Variants in BTD observed in about 807,000 individuals in gnomAD.
BTD encodes the protein biotinidase.
In BTD, 13 loss-of-function variants were observed where a neutral mutation model predicts 17.7. That is an observed-to-expected ratio of 0.74 (90% CI 0.48 to 1.17). The LOEUF (loss-of-function observed/expected upper bound fraction) is 1.17. Ranked by LOEUF, BTD falls within the 50% of genes most tolerant of loss-of-function variation. BTD has a pLI of 0.00. For missense variants in BTD, 674 were observed against 650.4 expected (o/e 1.04, Z -0.39); for synonymous variants, 240 against 245.2 (o/e 0.98, Z 0.20).
chr3:15,703,799 C>T (rs1325471093), intron 3 of BTD, among the ~76,000 whole-genome samples: 1 of 152,058 alleles, frequency 6.6e-6, no homozygotes, highest in Non-Finnish European at 1.5e-5. Flanking sequence ...TTATGAAGTG[C>T]GGGCTAGAGA....
intron 1 of BTD, among the ~76,000 whole-genome samples, chr3:15,604,162 G>A (rs1010561413): frequency 3.3e-5 from 5 of 152,268 alleles, no homozygotes; most frequent in Non-Finnish European, 4.4e-5. Flanking sequence ...CCTAGCAGAG[G>A]TTCTCTATGA....
chr3:15,697,665 G>A (rs749650679), intron 3 of BTD, among the ~76,000 whole-genome samples: 15 of 152,122 alleles, frequency 9.9e-5, no homozygotes, highest in Non-Finnish European at 1.9e-4. Flanking sequence ...GTATTTTATT[G>A]AGGATTTTCG....
exon 4 of BTD, chr3:15,711,166 G>T: frequency 6.8e-7 from 1 of 1,473,042 alleles, no homozygotes; most frequent in Non-Finnish European, 9.4e-7. Flanking sequence ...AACCTGCCAT[G>T]ACCAGCTATC....
chr3:15,669,422 T>A (rs953748751), intron 3 of BTD: 1 of 152,124 alleles, frequency 6.6e-6, no homozygotes, highest in African/African-American at 2.4e-5. Context: ...AGGAAATTCT[T>A]TACATTTTCA....
downstream of BTD, among the ~76,000 whole-genome samples, chr3:15,716,301 C>A (rs1162022729): frequency 8.1e-6 from 1 of 124,020 alleles, no homozygotes; most frequent in African/African-American, 3.1e-5. Context: ...TTTTTTTTTT[C>A]CCTTAAAGAG....
chr3:15,636,143 C>A (rs952328301), intron 2 of BTD, among the ~76,000 whole-genome samples: 4 of 152,090 alleles, frequency 2.6e-5, no homozygotes, highest in Admixed American at 2.6e-4. Context: ...TTAAGGCTCC[C>A]CAGTGCAGTC....
In BTD at chr3:15,651,788, G is replaced by T. The variant is rs111259509; in HGVS notation, c.*6300G>T. 4.8e-3 allele frequency among the ~76,000 whole-genome samples: 730 copies of T among 152,290 alleles called. 3 individuals are homozygous for T. The highest frequency in any genetic ancestry group is 6.3e-3 in the Non-Finnish European group (428 of 68,020). ...TGCAGGGAAGATAAATGCAGCCCTG[G>T]CATGGTTCTTCCAGAACATTCTGCA... On this transcript the variant is annotated 3_prime_UTR_variant, in exon 4 of 4. Coordinates refer to ENST00000643237, the MANE Select transcript of BTD (RefSeq NM_001370658.1).
chr3:15,627,176 C>T (rs1307363100), intron 1 of BTD, among the ~76,000 whole-genome samples: 2 of 152,158 alleles, frequency 1.3e-5, no homozygotes, highest in Admixed American at 1.3e-4. Context: ...GCCGGCTCAC[C>T]GTGCTTCCCA....
downstream of BTD, among the ~76,000 whole-genome samples, chr3:15,656,356 C>T (rs1050337307): frequency 6.6e-6 from 1 of 152,182 alleles, no homozygotes; most frequent in Non-Finnish European, 1.5e-5. Flanking sequence ...CTGTACCTCA[C>T]GTCCCCTTCC....
intron 3 of BTD, among the ~76,000 whole-genome samples, chr3:15,666,943 C>A (rs1013094111): frequency 1.3e-5 from 2 of 152,206 alleles, no homozygotes; most frequent in African/African-American, 4.8e-5. Context: ...CTCAATTACA[C>A]TTTTATTACT....
At chr3:15,643,960 CATTTATTTAATTT>C (rs1559598547) in intron 3 of BTD, among the ~76,000 whole-genome samples, 1 of 129,972 alleles carries the variant, frequency 7.7e-6, no homozygotes, top group African/African-American at 2.7e-5. Flanking sequence ...TTTAAAAACT[CATTTATTTAATTT>C]ATTTATTTAT....
At chr3:15,720,118 C>G (rs2073541471) in intron 4 of BTD, among the ~76,000 whole-genome samples, 1 of 152,126 alleles carries the variant, frequency 6.6e-6, no homozygotes, top group African/African-American at 2.4e-5. Flanking sequence ...CCTACCCTGG[C>G]CTCCCAAAGT....
At chr3:15,614,149 G>A (rs973233067) in intron 1 of BTD, among the ~76,000 whole-genome samples, 5 of 140,316 alleles carry the variant, frequency 3.6e-5, no homozygotes, top group African/African-American at 1.4e-4. Flanking sequence ...TTTAAGTCAA[G>A]GTCTTGCTCT....
rs2065711161 is a variant in BTD, at chr3:15,647,115, G to C, written c.*1627G>C. On this transcript the variant is annotated 3_prime_UTR_variant, in exon 4 of 4. Transcript: ENST00000643237. ...CTTGGAATTCCTGAGCAAGCCTTGG[G>C]TTCCCCACGCCCTAGGAAGTCCCTC... 6.6e-6 allele frequency: 1 copy of C among 152,260 alleles called. No individual in the cohort carries two copies. Among genetic ancestry groups the C allele is most frequent in the Admixed American group, 6.5e-5 (1 of 15,278 alleles). 9.4% of individuals were successfully genotyped at this position (152,260 alleles called of 1,614,324 possible). A position where few individuals can be genotyped will look rare whatever the true frequency, so the allele number is the denominator to read the frequency against.
rs1245541086 is a variant in BTD at position 15,601,864 on chromosome 3, A to G, written c.-47A>G. On this transcript the variant is annotated 5_prime_UTR_variant, in exon 1 of 4. Transcript: ENST00000643237. The stretch of plus-strand genomic sequence containing the variant: ...TGTAAAGGGAGAATGGCGCATGCGC[A>G]TATTCAGGGCGGAAGGCGCGCTAAG... The G allele has an allele frequency of 1.2e-6, 2 of 1,614,042 alleles. No homozygotes were observed. The highest frequency in any genetic ancestry group is 1.1e-5 in the South Asian group (1 of 91,084).
chr3:15,706,157 TG>T (rs2071353091), intron 3 of BTD, among the ~76,000 whole-genome samples: 1 of 152,130 alleles, frequency 6.6e-6, no homozygotes, highest in Admixed American at 6.5e-5. Flanking sequence ...TTGGCACATA[TG>T]TATACATGTG....
chr3:15,700,002 T>C (rs1304919462), intron 3 of BTD, among the ~76,000 whole-genome samples: 1 of 152,172 alleles, frequency 6.6e-6, no homozygotes, highest in African/African-American at 2.4e-5. Context: ...CCATCAATGA[T>C]AGACTGGATT....
At chr3:15,711,100 T>G (rs1214987873) in exon 4 of BTD, 15 of 934,608 alleles carry the variant, frequency 1.6e-5, no homozygotes, top group Non-Finnish European at 2.4e-5. Flanking sequence ...AACTCCTGTT[T>G]TGTTTTCTAT....
chr3:15,686,163 G>A, intron 3 of BTD: 1 of 1,599,364 alleles, frequency 6.3e-7, no homozygotes, highest in Non-Finnish European at 8.5e-7. Flanking sequence ...ACTTAAGACT[G>A]TACTCTGGTT....
Sources: gnomAD v4.1 joint callset for allele counts (sites outside exome capture counted in the v4.1 genomes callset) on GRCh38, gnomAD v4.1.1 for gene constraint, MANE v1.5 for transcripts, NCBI Gene and HGNC (gene_info 2026-07-23, HGNC 2026-07-21) for gene names.